Variants in IL7 observed in about 807,000 individuals in gnomAD.
The protein encoded by IL7 is interleukin-7.
Under a neutral mutation model 21.6 loss-of-function variants are expected in IL7, and 3 were observed. The ratio of observed to expected loss-of-function variants is 0.14; its 90% CI spans 0.06 to 0.36. The LOEUF is 0.36. IL7 is among the 10% of genes least tolerant of loss of function. The probability of loss-of-function intolerance (pLI) is 1.00; values close to 1 mark genes in which losing one functional copy is unlikely to be tolerated. For missense variants in IL7, 175 were observed against 200.2 expected (o/e 0.87, Z 0.76); for synonymous variants, 62 against 68.1 (o/e 0.91, Z 0.44).
chr8:78,725,437 G>T (rs1291060879), intron 3 of IL7, among the ~76,000 whole-genome samples: 1 of 149,668 alleles, frequency 6.7e-6, no homozygotes, highest in East Asian at 2.1e-4. Context: ...GTTTCTGGCT[G>T]AACAGCCTCC....
chr8:78,751,914 C>T (rs559128230), intron 2 of IL7, among the ~76,000 whole-genome samples: 73 of 152,138 alleles, frequency 4.8e-4, no homozygotes, highest in Non-Finnish European at 6.5e-4. Flanking sequence ...TTCTCCCTAT[C>T]GTCCCCTCCC....
downstream of IL7, among the ~76,000 whole-genome samples, chr8:78,730,587 C>T (rs1354966897): frequency 6.6e-6 from 1 of 151,900 alleles, no homozygotes. Flanking sequence ...CTGGTGCTAT[C>T]ATACCCATCT....
chr8:78,770,532 C>T (rs1045911010), intron 2 of IL7, among the ~76,000 whole-genome samples: 3 of 152,054 alleles, frequency 2.0e-5, no homozygotes, highest in African/African-American at 4.8e-5. Context: ...ATATATCTCT[C>T]TTTTATTCTG....
At chr8:78,771,626 G>T (rs886569734) in intron 2 of IL7, among the ~76,000 whole-genome samples, 1 of 151,956 alleles carries the variant, frequency 6.6e-6, no homozygotes, top group Non-Finnish European at 1.5e-5. Context: ...ATTCAACTGG[G>T]GTCTTTTCAG....
At chr8:78,717,385 A>C, downstream of IL7, 1 of 1,613,810 alleles carries the variant, frequency 6.2e-7, no homozygotes, top group Non-Finnish European at 8.5e-7. Flanking sequence ...GCATTGAAGG[A>C]CATTCACCTG....
Position 78,804,906 on chromosome 8 carries a change from C to T in IL7, c.10+7G>A, listed in dbSNP as rs200025901. The stretch of plus-strand genomic sequence containing the variant: ...CGAACTTGTGCGCAAGGGAGAAGAG[C>T]GCTTACCATGGAACATGGTCTGCGG... On this transcript the variant is annotated splice_region_variant and intron_variant, in intron 1 of 5. Coordinates refer to ENST00000263851, the MANE Select transcript of IL7 (RefSeq NM_000880.4). 2.7e-4 allele frequency: 430 copies of T among 1,612,994 alleles called. 1 individual carries two copies. The African/African-American group carries it at 4.8e-3, about 18-fold the overall frequency.
At chr8:78,755,408 G>A (rs926040803) in intron 2 of IL7, among the ~76,000 whole-genome samples, 7 of 151,958 alleles carry the variant, frequency 4.6e-5, no homozygotes, top group African/African-American at 1.7e-4. Context: ...GTTGTAGATT[G>A]CTTTGTGTAG....
At chr8:78,796,175 C>T (rs936889618) in intron 2 of IL7, among the ~76,000 whole-genome samples, 1 of 151,878 alleles carries the variant, frequency 6.6e-6, no homozygotes, top group Non-Finnish European at 1.5e-5. Flanking sequence ...GTAGAAAATT[C>T]CTAATAATCA....
downstream of IL7, among the ~76,000 whole-genome samples, chr8:78,731,434 C>G (rs1811423056): frequency 6.6e-6 from 1 of 151,674 alleles, no homozygotes; most frequent in Non-Finnish European, 1.5e-5. Flanking sequence ...TTTTTCACAG[C>G]TACATGAATG....
chr8:78,773,553 G>A (rs182942084), intron 2 of IL7, among the ~76,000 whole-genome samples: 1 of 152,104 alleles, frequency 6.6e-6, no homozygotes, highest in Non-Finnish European at 1.5e-5. Context: ...AATCCAATTT[G>A]GTTGTGGTGC....
At chr8:78,713,048 C>T (rs895027255), downstream of IL7, among the ~76,000 whole-genome samples, 1 of 152,102 alleles carries the variant, frequency 6.6e-6, no homozygotes, top group East Asian at 1.9e-4. Context: ...GCTGATTCTA[C>T]TGTCAGAACT....
chr8:78,755,007 T>C (rs749729134), intron 2 of IL7, among the ~76,000 whole-genome samples: 5 of 152,166 alleles, frequency 3.3e-5, no homozygotes, highest in African/African-American at 4.8e-5. Context: ...TTGATTCTTA[T>C]ATATGGTGAG....
intron 5 of IL7, among the ~76,000 whole-genome samples, chr8:78,735,293 G>GTTTTTT (rs33976248): frequency 2.9e-5 from 2 of 69,572 alleles, no homozygotes; most frequent in Admixed American, 1.6e-4. Context: ...TTTTTTTTTT[G>GTTTTTT]TTTTTTTTTT....
intron 2 of IL7, chr8:78,761,403 C>G: frequency 6.2e-7 from 1 of 1,611,950 alleles, no homozygotes; most frequent in Admixed American, 1.7e-5. Flanking sequence ...GAAGCAACAA[C>G]TTTCATTTTG....
Position 78,790,945 on chromosome 8 carries a change from T to G in IL7, c.147+7127A>C, listed in dbSNP as rs1813672084. On this transcript the variant is annotated intron_variant, in intron 2 of 5. Transcript: ENST00000263851. ...TCAAAAAAAAAAAAAGTAAAATGAT[T>G]CATATTTCCCGATTTCAAACTTATC... Among the ~76,000 whole-genome samples, 3 of 151,492 alleles carry G rather than the reference T, an allele frequency of 2.0e-5. No homozygotes were observed. The South Asian group carries it at 6.2e-4, about 32-fold the overall frequency.
At chr8:78,745,066 T>G (rs529092986) in intron 2 of IL7, among the ~76,000 whole-genome samples, 1 of 152,360 alleles carries the variant, frequency 6.6e-6, no homozygotes, top group Non-Finnish European at 1.5e-5. Context: ...TGTCCCTCTT[T>G]GTGAGAGCCA....
At chr8:78,795,783 G>A (rs1813833078) in intron 2 of IL7, among the ~76,000 whole-genome samples, 1 of 151,966 alleles carries the variant, frequency 6.6e-6, no homozygotes, top group African/African-American at 2.4e-5. Flanking sequence ...AAATCTAAAT[G>A]GAGCAATTGC....
intron 3 of IL7, chr8:78,689,204 C>A (rs776287698): frequency 6.9e-7 from 1 of 1,446,010 alleles, no homozygotes; most frequent in South Asian, 1.6e-5. Flanking sequence ...AATCTGTTTC[C>A]GTTTTTATCT....
At chr8:78,682,435 C>A (rs577790210) in intron 4 of IL7, among the ~76,000 whole-genome samples, 17 of 152,112 alleles carry the variant, frequency 1.1e-4, no homozygotes, top group African/African-American at 4.1e-4. Context: ...GAAGAAGGAA[C>A]AAAGTCACAT....
Sources: allele counts gnomAD v4.1 joint callset (sites outside exome capture counted in the v4.1 genomes callset), GRCh38; gene constraint gnomAD v4.1.1; transcripts MANE v1.5; gene names NCBI Gene and HGNC (gene_info 2026-07-23, HGNC 2026-07-21).